The following ARPP21 variants were observed in gnomAD, a reference collection of about 807,000 sequenced individuals.
The protein encoded by ARPP21 is cAMP-regulated phosphoprotein 21.
A neutral mutation model predicts 113.2 loss-of-function variants in ARPP21; 69 were observed. That is an observed-to-expected ratio of 0.61 (90% confidence interval 0.50 to 0.74). The LOEUF (loss-of-function observed/expected upper bound fraction) is 0.74, where lower values mean the gene tolerates loss of function less well. ARPP21 is among the 30% of genes least tolerant of loss of function. The probability of loss-of-function intolerance (pLI) is 0.00; values close to 1 mark genes in which losing one functional copy is unlikely to be tolerated. For missense variants in ARPP21, 1,070 were observed against 1,037.4 expected, an observed-to-expected ratio of 1.03 and a Z score of -0.43; for synonymous variants, 368 against 375.5, an observed-to-expected ratio of 0.98 and a Z score of 0.23.
intron 19 of ARPP21, among the ~76,000 whole-genome samples, chr3:35,784,563 A>T (rs2096592017): frequency 6.6e-6 from 1 of 151,744 alleles, no homozygotes; most frequent in African/African-American, 2.4e-5. Flanking sequence ...ATCCTAAATA[A>T]CTCTCTGTGC....
At chr3:35,661,638 C>G (rs1230898381) in intron 1 of ARPP21, among the ~76,000 whole-genome samples, 1 of 152,162 alleles carries the variant, frequency 6.6e-6, no homozygotes, top group Non-Finnish European at 1.5e-5. Context: ...AAAAAATCAA[C>G]AGTATTCAAT....
rs2096793465 is a variant in ARPP21 at position 35,793,758 on chromosome 3, A to T, written c.2344A>T (p.Met782Leu). The change falls in exon 21 of 21, where the codon ATG becomes TTG. Residue 782 changes from methionine to leucine, a missense_variant. Met to Leu is a conservative substitution (Grantham distance 15). Transcript: ENST00000684406. Reference protein sequence around the residue: ...LPQQSYQQPIMLPNQAGQGSL... With the variant: ...LPQQSYQQPILLPNQAGQGSL... ...CCAGCAGTCATACCAACAGCCAATC[A>T]TGCTACCTAACCAGGCAGGTCAAGG... 6.2e-7 allele frequency: 1 copy of T among 1,613,778 alleles called. No homozygotes were observed. The highest frequency in any genetic ancestry group is 1.7e-5 in the Admixed American group (1 of 59,994).
At chr3:35,740,413 G>A (rs1267232307) in intron 18 of ARPP21, among the ~76,000 whole-genome samples, 6 of 152,136 alleles carry the variant, frequency 3.9e-5, no homozygotes, top group Non-Finnish European at 5.9e-5. Flanking sequence ...TGTCACCTTC[G>A]TATCATTTGT....
Position 35,729,328 on chromosome 3 carries a change from C to A in ARPP21, c.1251C>A (p.Gly417=). 1 of 1,614,084 alleles carries A rather than the reference C, an allele frequency of 6.2e-7. No individual in the cohort carries two copies. The highest frequency in any genetic ancestry group is 8.5e-7 in the Non-Finnish European group (1 of 1,179,962). ...GTTCCGAGTCTTCCAGCAGTGCAGG[C>A]TCCTCAGGATCGCTGTCCCGCACCC... ...KAGSESSSSA[G]SSGSLSRTHP... Residue 417 remains glycine, a synonymous_variant, in exon 15 of 21, where the codon GGC becomes GGA. Transcript: ENST00000684406.
intron 19 of ARPP21, among the ~76,000 whole-genome samples, chr3:35,744,786 G>C (rs2094914734): frequency 6.6e-6 from 1 of 152,146 alleles, no homozygotes; most frequent in Admixed American, 6.5e-5. Context: ...TCCGTGATCT[G>C]ATTTCTGCAC....
chr3:35,794,348 AAAG>A lies in ARPP21; in HGVS notation c.*396_*398del, dbSNP rs1304434545. 64 of 200,710 alleles carry A rather than the reference AAAG, an allele frequency of 3.2e-4. No homozygotes were observed. Among genetic ancestry groups the A allele is most frequent in the Non-Finnish European group, 6.1e-4 (59 of 96,990 alleles). The allele number at this position is 200,710 out of a possible 1,614,324, so 12.4% of individuals were successfully genotyped here. On this transcript the variant is annotated 3_prime_UTR_variant, in exon 21 of 21. Transcript: ENST00000684406. ...TGTACCAAAGCTGTAATGGAAAAGC[AAAG>A]AAGAATTGATGAATTGAAGGAATAA...
rs147042629 is a variant in ARPP21 at position 35,685,926 on chromosome 3, A to G, written c.262-1813A>G. On this transcript the variant is annotated intron_variant, in intron 5 of 20. Transcript: ENST00000684406. ...TTGTGTGTTCTTTCAACACCGTAAT[A>G]TATATGCATAGAAAAGATATTTTTT... is the stretch of plus-strand genomic sequence containing the variant. The G allele has an allele frequency of 5.9e-5, 23 of 391,742 alleles. No individual in the cohort carries two copies. In the East Asian group the frequency reaches 3.7e-3, roughly 64 times the overall value. The allele number at this position is 391,742 out of a possible 1,614,324, so 24.3% of individuals were successfully genotyped here.
chr3:35,684,862 T>C, intron 5 of ARPP21: 1 of 984,796 alleles, frequency 1.0e-6, no homozygotes, highest in Non-Finnish European at 1.2e-6. Context: ...GGACAGGCTA[T>C]CTTTCAGTGG....
At chr3:35,646,695 T>C (rs1342286001) in intron 1 of ARPP21, among the ~76,000 whole-genome samples, 1 of 152,130 alleles carries the variant, frequency 6.6e-6, no homozygotes, top group African/African-American at 2.4e-5. Context: ...AATTAATTAA[T>C]TGTTAGGATT....
intron 5 of ARPP21, among the ~76,000 whole-genome samples, chr3:35,687,084 T>C (rs1377292064): frequency 6.6e-6 from 1 of 151,162 alleles, no homozygotes; most frequent in African/African-American, 2.4e-5. Context: ...CTTCCTACCT[T>C]TTCTAAAAGG....
intron 19 of ARPP21, among the ~76,000 whole-genome samples, chr3:35,780,797 G>A (rs902880254): frequency 1.2e-4 from 19 of 152,038 alleles, no homozygotes; most frequent in Admixed American, 1.2e-3. Context: ...TTTTAATAGG[G>A]CCCCAGAGGT....
intron 1 of ARPP21, among the ~76,000 whole-genome samples, chr3:35,655,079 T>G (rs1469158480): frequency 6.6e-6 from 1 of 151,970 alleles, no homozygotes; most frequent in African/African-American, 2.4e-5. Context: ...ATAAAACATA[T>G]TGCTACAAAC....
upstream of ARPP21, among the ~76,000 whole-genome samples, chr3:35,639,306 G>C (rs1327823101): frequency 1.3e-5 from 2 of 151,964 alleles, no homozygotes; most frequent in Non-Finnish European, 2.9e-5. The surrounding 1 kb of genome is among the most constrained non-coding windows in gnomAD (Gnocchi z 5.0). Flanking sequence ...TGGCGCAGAG[G>C]CGGCGACACT....
intron 19 of ARPP21, among the ~76,000 whole-genome samples, chr3:35,778,705 C>T (rs1441955062): frequency 1.3e-5 from 2 of 152,126 alleles, no homozygotes; most frequent in African/African-American, 2.4e-5. Context: ...CACTAAAATA[C>T]CTGTGTCCTA....
chr3:35,725,269 A>C (rs181141501), intron 14 of ARPP21, among the ~76,000 whole-genome samples: 94 of 152,326 alleles, frequency 6.2e-4, no homozygotes, highest in African/African-American at 2.2e-3. Context: ...GATGGCTCCC[A>C]GGTACCTAAG....
At chr3:35,785,454 G>A (rs565034180) in intron 19 of ARPP21, among the ~76,000 whole-genome samples, 17 of 152,188 alleles carry the variant, frequency 1.1e-4, no homozygotes, top group African/African-American at 3.9e-4. Context: ...TTGAAATTCC[G>A]TGCATGATCC....
At position 35,687,836 on chromosome 3, in the gene ARPP21, A is replaced by G. The variant is rs756392841; in HGVS notation, c.359A>G (p.Asn120Ser). Residue 120 changes from asparagine to serine, a missense_variant, in exon 6 of 21, where the codon AAC (asparagine) becomes AGC (serine). Transcript: ENST00000684406. ...DSEREKEKDK[N>S]KDKTSEKPKI... ...GAAAGAGAAAAAGAAAAGGATAAAA[A>G]CAAAGATAAAACCTCTGAAAAACCC... 1.9e-6 allele frequency: 3 copies of G among 1,602,308 alleles called. No homozygotes were observed. Among genetic ancestry groups the G allele is most frequent in the Non-Finnish European group, 2.6e-6 (3 of 1,175,046 alleles).
intron 19 of ARPP21, chr3:35,774,699 C>A (rs1451266082): frequency 1.3e-5 from 2 of 152,084 alleles, no homozygotes; most frequent in Non-Finnish European, 2.9e-5. Flanking sequence ...ATTCAAATTG[C>A]TTTTATATGT....
intron 13 of ARPP21, among the ~76,000 whole-genome samples, chr3:35,718,396 C>T (rs925813506): frequency 6.6e-6 from 1 of 152,116 alleles, no homozygotes; most frequent in Non-Finnish European, 1.5e-5. Flanking sequence ...CTTTGCACTT[C>T]TTTTGAAAAC....
Sources: gnomAD v4.1 joint callset for allele counts (sites outside exome capture counted in the v4.1 genomes callset) on GRCh38, gnomAD v4.1.1 for gene constraint, Gnocchi (gnomAD v3.1) non-coding constraint, MANE v1.5 for transcripts, NCBI Gene and HGNC (gene_info 2026-07-23, HGNC 2026-07-21) for gene names.